PDE6C: variants seen among roughly 807,000 people sequenced by gnomAD.
The protein encoded by PDE6C is cone cGMP-specific 3',5'-cyclic phosphodiesterase subunit alpha'.
Under a neutral mutation model 113.1 loss-of-function variants are expected in PDE6C, and 75 were observed. The ratio of observed to expected loss-of-function variants is 0.66; its 90% CI spans 0.55 to 0.80. PDE6C has a LOEUF of 0.80. Among genes scored for constraint, PDE6C ranks in the 30% least tolerant of loss-of-function variants. The pLI, the probability that PDE6C is intolerant of heterozygous loss-of-function variation, is 0.00. For synonymous variants in PDE6C, 375 were observed against 363.7 expected (o/e 1.03, Z -0.35); for missense variants, 912 against 1,038.6 (o/e 0.88, Z 1.67).
At chr10:93,615,542 TG>T (rs2058416062) in intron 1 of PDE6C, among the ~76,000 whole-genome samples, 1 of 152,046 alleles carries the variant, frequency 6.6e-6, no homozygotes, top group Admixed American at 6.6e-5. Context: ...CCACTATGCC[TG>T]GCTAATTTTT....
intron 11 of PDE6C, 129 bp downstream of exon 11, chr10:93,637,192 T>C (rs753805222): frequency 9.1e-6 from 6 of 657,496 alleles, no homozygotes; most frequent in Non-Finnish European, 1.6e-5. Context: ...TTCTCAAGGC[T>C]AAAAAGAAAG....
chr10:93,630,604 C>A (rs1369810815), intron 8 of PDE6C, among the ~76,000 whole-genome samples: 2 of 152,080 alleles, frequency 1.3e-5, no homozygotes, highest in South Asian at 2.1e-4. Flanking sequence ...CCTTAGAGCC[C>A]TGATCTCAGT....
chr10:93,644,901 G>GTA (rs56271523), intron 14 of PDE6C, among the ~76,000 whole-genome samples: 107,638 of 145,308 alleles, frequency 0.74, 40,227 homozygotes, highest in East Asian at 0.95. Flanking sequence ...AGTATATATA[G>GTA]TATATATACA....
At chr10:93,628,451 G>C (rs1015400803) in intron 7 of PDE6C, among the ~76,000 whole-genome samples, 7 of 152,090 alleles carry the variant, frequency 4.6e-5, no homozygotes, top group African/African-American at 1.7e-4. Context: ...TGGGCTTGGT[G>C]GTGGGTGCCT....
At chr10:93,662,763 T>C in intron 20 of PDE6C, 120 bp downstream of exon 20, 1 of 696,292 alleles carries the variant, frequency 1.4e-6, no homozygotes, top group Admixed American at 2.2e-5. Context: ...TCACTGTTTC[T>C]CCAAAGCAGT....
At chr10:93,618,499 C>T (rs956851687) in intron 1 of PDE6C, among the ~76,000 whole-genome samples, 5 of 152,210 alleles carry the variant, frequency 3.3e-5, no homozygotes, top group African/African-American at 4.8e-5. Flanking sequence ...TTATGCAATG[C>T]TGATGCCTCA....
intron 6 of PDE6C, 26 bp downstream of exon 6, chr10:93,626,730 C>T (rs566527413): frequency 4.1e-5 from 66 of 1,600,498 alleles, no homozygotes; most frequent in South Asian, 3.0e-4. Context: ...AAGTTGCTGC[C>T]GCAGTTGCCG....
At position 93,636,395 on chromosome 10, in the gene PDE6C, T is replaced by TGTG. The variant is rs1554890076; in HGVS notation, c.1414-599_1414-597dup. On this transcript the variant is annotated intron_variant, in intron 10 of 21. Transcript: ENST00000371447. ...GTGTGTGTGTGTGTGTGTGTGTGTG[T>TGTG]GTGTGTGTGTGTAGTTTTGCTGGAG... is the stretch of plus-strand genomic sequence containing the variant. 5.9e-3 allele frequency among the ~76,000 whole-genome samples: 873 copies of TGTG among 148,634 alleles called. 8 individuals carry two copies. Among genetic ancestry groups the TGTG allele is most frequent in the African/African-American group, 0.021 (829 of 38,834 alleles).
intron 18 of PDE6C, among the ~76,000 whole-genome samples, chr10:93,660,475 C>T (rs1016676965): frequency 4.6e-5 from 7 of 152,088 alleles, no homozygotes; most frequent in African/African-American, 1.7e-4. Context: ...GGGAGGGCAC[C>T]TCTTGAATGA....
At chr10:93,626,613 T>G (rs775658169) in intron 5 of PDE6C, 27 bp from the exon 6 acceptor site, 2 of 1,253,046 alleles carry the variant, frequency 1.6e-6, no homozygotes, top group Non-Finnish European at 2.3e-6. Flanking sequence ...ATAACATTAT[T>G]CCCATAATAT....
intron 18 of PDE6C, 146 bp from the exon 19 acceptor site, chr10:93,661,913 C>A: frequency 2.9e-6 from 2 of 695,004 alleles, no homozygotes; most frequent in Non-Finnish European, 2.6e-6. Flanking sequence ...CTGTAAATGA[C>A]CTCTTTTTAA....
Position 93,662,101 on chromosome 10 carries a change from C to A in PDE6C, c.2251C>A (p.Leu751Met), listed in dbSNP as rs1324956034. The A allele has an allele frequency of 1.2e-6, 2 of 1,609,126 alleles. No individual in the cohort carries two copies. The highest frequency in any genetic ancestry group is 1.7e-6 in the Non-Finnish European group (2 of 1,175,644). ...AAATGAATTTTGGGAACAAGGAGAT[C>A]TGGAGAGAACAGTGTTGCAGCAACA... is the stretch of plus-strand genomic sequence containing the variant. ...VANEFWEQGDLERTVLQQQPI... is the reference protein window; with the variant it reads ...VANEFWEQGDMERTVLQQQPI... Residue 751 changes from leucine to methionine, a missense_variant, in exon 19 of 22, where the codon CTG becomes ATG. Coordinates refer to ENST00000371447, the MANE Select transcript of PDE6C (RefSeq NM_006204.4).
At position 93,645,962 on chromosome 10, in the gene PDE6C, C is replaced by G; in HGVS notation, c.1850C>G (p.Ser617Cys). 1 of 1,584,394 alleles carries G rather than the reference C, an allele frequency of 6.3e-7. No individual in the cohort carries two copies. The highest frequency in any genetic ancestry group is 1.7e-4 in the Middle Eastern group (1 of 6,022). Residue 617 changes from serine (S) to cysteine (C), a missense_variant and splice_region_variant, in exon 15 of 22, where the codon TCC (serine) becomes TGC (cysteine). Coordinates refer to ENST00000371447, the MANE Select transcript of PDE6C (RefSeq NM_006204.4). Reference sequence around the variant, plus strand: ...ATGGCATGTTGTTTTCCTTCTAGATCCACGTCTCCATTAGCAAGACTTCAT... The same window carrying G: ...ATGGCATGTTGTTTTCCTTCTAGATGCACGTCTCCATTAGCAAGACTTCAT... ...RGTNNLYQMK[S>C]TSPLARLHGS... is the part of the protein sequence containing the mutation.
chr10:93,664,842 T>C lies in PDE6C; in HGVS notation c.2519-518T>C, dbSNP rs186982405. Reference sequence around the variant, plus strand: ...AACTAAGATGTTAACTGGCCAACCATTGATCAGATTCTGTTTTTTATTTAT... The same window carrying C: ...AACTAAGATGTTAACTGGCCAACCACTGATCAGATTCTGTTTTTTATTTAT... On this transcript the variant is annotated intron_variant, in intron 21 of 21. Coordinates refer to ENST00000371447, the MANE Select transcript of PDE6C (RefSeq NM_006204.4). Among the ~76,000 whole-genome samples the C allele has an allele frequency of 3.7e-4, 57 of 152,216 alleles. No individual in the cohort carries two copies. In the East Asian group the frequency reaches 0.01, roughly 28 times the overall value.
intron 14 of PDE6C, among the ~76,000 whole-genome samples, chr10:93,641,904 TG>T (rs2058562048): frequency 1.3e-5 from 2 of 152,204 alleles, no homozygotes; most frequent in Non-Finnish European, 2.9e-5. Context: ...CAGGCAGATT[TG>T]GATTCACTGG....
At chr10:93,648,246 A>G (rs1305238750) in intron 15 of PDE6C, among the ~76,000 whole-genome samples, 1 of 152,134 alleles carries the variant, frequency 6.6e-6, no homozygotes, top group Non-Finnish European at 1.5e-5. Flanking sequence ...ATTCTTTCTA[A>G]AAAGGAATAT....
intron 8 of PDE6C, among the ~76,000 whole-genome samples, chr10:93,630,856 C>T (rs553045406): frequency 4.6e-5 from 7 of 152,342 alleles, no homozygotes; most frequent in South Asian, 4.1e-4. Context: ...CACCATATGG[C>T]TGCTCTAGCT....
At chr10:93,613,984 A>G (rs1025835322) in intron 1 of PDE6C, among the ~76,000 whole-genome samples, 3 of 152,232 alleles carry the variant, frequency 2.0e-5, no homozygotes, top group Non-Finnish European at 4.4e-5. Context: ...GTACATGTTC[A>G]TTTTTAAACA....
Position 93,621,937 on chromosome 10 carries a change from T to C in PDE6C, c.729T>C (p.Leu243=), listed in dbSNP as rs1247789927. Residue 243 remains leucine, a synonymous_variant, in exon 4 of 22, where the codon CTT becomes CTC. Coordinates refer to ENST00000371447, the MANE Select transcript of PDE6C (RefSeq NM_006204.4). ...TTTTTGATACCTACTTTCAGATCCT[T>C]ATGTGGTCAGCCAATAAAGTATTTG... is the stretch of plus-strand genomic sequence containing the variant. ...YNIESRRSQI[L]MWSANKVFEE... The C allele has an allele frequency of 6.2e-7, 1 of 1,613,678 alleles. No homozygotes were observed. The highest frequency in any genetic ancestry group is 1.7e-5 in the Admixed American group (1 of 60,002).
Sources: gnomAD v4.1 joint callset for allele counts (sites outside exome capture counted in the v4.1 genomes callset) on GRCh38, gnomAD v4.1.1 for gene constraint, MANE v1.5 for transcripts, NCBI Gene and HGNC (gene_info 2026-07-23, HGNC 2026-07-21) for gene names.